Variants in GRK5 observed in about 807,000 individuals in gnomAD.
GRK5 encodes the protein g protein-coupled receptor kinase GRK5.
GRK5 carries 40 observed loss-of-function variants against 78.4 expected under a neutral mutation model. The observed-to-expected ratio is 0.51, with a 90% CI of 0.40 to 0.66. The LOEUF (loss-of-function observed/expected upper bound fraction) is 0.66, where lower values mean the gene tolerates loss of function less well. Among genes scored for constraint, GRK5 ranks in the 30% least tolerant of loss-of-function variants. GRK5 has a pLI of 0.00. For missense variants in GRK5, 598 were observed against 759.9 expected (o/e 0.79, Z 2.50); for synonymous variants, 289 against 296.8 (o/e 0.97, Z 0.27).
intron 2 of GRK5, among the ~76,000 whole-genome samples, chr10:119,359,751 G>A (rs1851327480): frequency 1.3e-5 from 2 of 152,204 alleles, no homozygotes; most frequent in Non-Finnish European, 2.9e-5. Context: ...GGTGTTCGGG[G>A]GAATGTGCAT....
rs958479939 is a variant in GRK5, at chr10:119,459,036, G to A, written c.*3969G>A. ...CTGAATACCTGTACTTCCAAGAGGT[G>A]GTCTCCTGTTTTCATAACCCAACAC... On this transcript the variant is annotated 3_prime_UTR_variant, in exon 16 of 16. Transcript: ENST00000392870. The A allele has an allele frequency of 6.6e-6, 1 of 152,194 alleles. No individual in the cohort carries two copies. The highest frequency in any genetic ancestry group is 2.4e-5 in the African/African-American group (1 of 41,426). 9.4% of individuals were successfully genotyped at this position (152,194 alleles called of 1,614,324 possible).
At chr10:119,318,908 G>A (rs1335861754) in intron 1 of GRK5, among the ~76,000 whole-genome samples, 1 of 152,038 alleles carries the variant, frequency 6.6e-6, no homozygotes, top group Non-Finnish European at 1.5e-5. Flanking sequence ...AGTTTTTTGG[G>A]TGGAATGATA....
At chr10:119,236,558 T>C (rs1010340924) in intron 1 of GRK5, among the ~76,000 whole-genome samples, 2 of 152,238 alleles carry the variant, frequency 1.3e-5, no homozygotes, top group African/African-American at 4.8e-5. Flanking sequence ...GTAACCTTTC[T>C]GATTTAAGAC....
intron 1 of GRK5, among the ~76,000 whole-genome samples, chr10:119,296,383 CT>C (rs1346749857): frequency 2.6e-5 from 4 of 152,246 alleles, no homozygotes; most frequent in Non-Finnish European, 5.9e-5. Flanking sequence ...GAATATTTGG[CT>C]TTTTCTGACT....
chr10:119,423,640 C>T (rs1388617920), intron 5 of GRK5, among the ~76,000 whole-genome samples: 1 of 152,216 alleles, frequency 6.6e-6, no homozygotes, highest in African/African-American at 2.4e-5. Flanking sequence ...AACCCCATCA[C>T]CTTGTCTGCA....
intron 2 of GRK5, among the ~76,000 whole-genome samples, chr10:119,348,520 T>C (rs1400172246): frequency 6.6e-6 from 1 of 152,228 alleles, no homozygotes; most frequent in Non-Finnish European, 1.5e-5. Flanking sequence ...ACCTGCCCTG[T>C]AGACCTTGAG....
In GRK5 at chr10:119,445,285, A is replaced by C. The variant is rs1367474786; in HGVS notation, c.1266+1533A>C. Reference sequence around the variant, plus strand: ...GCGACAAAACGAGACAAGGGAAAGAAGAAGGGGTCAGACAGCCGTGGGCAG... The same window carrying C: ...GCGACAAAACGAGACAAGGGAAAGACGAAGGGGTCAGACAGCCGTGGGCAG... On this transcript the variant is annotated intron_variant, in intron 12 of 15. Coordinates refer to ENST00000392870, the MANE Select transcript of GRK5 (RefSeq NM_005308.3). The surrounding 1 kb of genome is among the most constrained non-coding windows in gnomAD (Gnocchi z 4.1). 2.0e-5 allele frequency among the ~76,000 whole-genome samples: 3 copies of C among 152,188 alleles called. No homozygotes were observed. The highest frequency in any genetic ancestry group is 4.4e-5 in the Non-Finnish European group (3 of 68,026).
At position 119,430,556 on chromosome 10, in the gene GRK5, A is replaced by C; in HGVS notation, c.597+118A>C. ...GTCCCCCGGGGGCACCAGTGGCTCA[A>C]TGTGGGCCCCGGGGGCAGTGAGGGT... On this transcript the variant is annotated intron_variant, in intron 7 of 15. Coordinates refer to ENST00000392870, the MANE Select transcript of GRK5 (RefSeq NM_005308.3). This position sits in a 1 kb window ranked among gnomAD's most constrained non-coding sequence, Gnocchi z 4.5. 1.1e-5 allele frequency: 9 copies of C among 802,750 alleles called. No homozygotes were observed. Among genetic ancestry groups the C allele is most frequent in the East Asian group, 2.6e-5 (1 of 38,012 alleles). The allele number at this position is 802,750 out of a possible 1,614,324, so 49.7% of individuals were successfully genotyped here.
intron 12 of GRK5, among the ~76,000 whole-genome samples, chr10:119,447,682 C>G (rs1021344897): frequency 5.3e-5 from 8 of 152,208 alleles, no homozygotes. Flanking sequence ...CTGAGCACTC[C>G]TAGAGGCCAA....
chr10:119,285,646 G>A lies in GRK5; in HGVS notation c.53-40870G>A, dbSNP rs762778618. 1.3e-3 allele frequency among the ~76,000 whole-genome samples: 194 copies of A among 152,318 alleles called. 4 individuals carry two copies. The highest frequency in any genetic ancestry group is 1.1e-3 in the Non-Finnish European group (74 of 68,032). Reference sequence around the variant, plus strand: ...TACTCTGCTTGTGGGGACCATGGGCGCAGTTCTTAAAAGCCCGCACTGGGT... The same window carrying A: ...TACTCTGCTTGTGGGGACCATGGGCACAGTTCTTAAAAGCCCGCACTGGGT... On this transcript the variant is annotated intron_variant, in intron 1 of 15. Coordinates refer to ENST00000392870, the MANE Select transcript of GRK5 (RefSeq NM_005308.3).
chr10:119,309,930 C>A (rs1173311921), intron 1 of GRK5, among the ~76,000 whole-genome samples: 2 of 152,176 alleles, frequency 1.3e-5, no homozygotes, highest in African/African-American at 4.8e-5. Context: ...CTTGTTTCCT[C>A]CTCTGCAAAA....
chr10:119,361,613 C>T (rs1256922425), intron 2 of GRK5, among the ~76,000 whole-genome samples: 3 of 152,124 alleles, frequency 2.0e-5, no homozygotes, highest in Admixed American at 6.5e-5. Context: ...TGAGAGGAAT[C>T]CTGGCTAGGG....
intron 6 of GRK5, among the ~76,000 whole-genome samples, chr10:119,425,977 C>T (rs1003952342): frequency 3.9e-5 from 6 of 152,236 alleles, no homozygotes; most frequent in Non-Finnish European, 7.3e-5. Flanking sequence ...ATTTGCAGAG[C>T]GGGGCGATGC....
intron 1 of GRK5, among the ~76,000 whole-genome samples, chr10:119,309,541 A>G (rs981161911): frequency 4.7e-4 from 71 of 152,230 alleles, no homozygotes; most frequent in African/African-American, 1.6e-3. Flanking sequence ...GACAGCTCAC[A>G]TTTACTGAGT....
rs1366166449 is a variant in GRK5, at chr10:119,264,392, TTC to T, written c.52+56427_52+56428del. Reference sequence around the variant, plus strand: ...AAGTCCTACCATCTGGTGTTTGTCCTTCTCTGTTTCCTGCCTCCTGCTTCCTA... The same window carrying T: ...AAGTCCTACCATCTGGTGTTTGTCCTTCTGTTTCCTGCCTCCTGCTTCCTA... On this transcript the variant is annotated intron_variant, in intron 1 of 15. Coordinates refer to ENST00000392870, the MANE Select transcript of GRK5 (RefSeq NM_005308.3). This position sits in a 1 kb window ranked among gnomAD's most constrained non-coding sequence, Gnocchi z 4.1. 1.3e-5 allele frequency among the ~76,000 whole-genome samples: 2 copies of T among 152,204 alleles called. No individual in the cohort carries two copies. The highest frequency in any genetic ancestry group is 2.9e-5 in the Non-Finnish European group (2 of 68,030).
intron 1 of GRK5, among the ~76,000 whole-genome samples, chr10:119,234,927 G>A (rs1848898008): frequency 1.3e-5 from 2 of 151,914 alleles, no homozygotes; most frequent in South Asian, 4.2e-4. Flanking sequence ...AGCCTGCCTC[G>A]GCCTCCCAAA....
At chr10:119,426,423 C>A (rs1852677836) in intron 6 of GRK5, among the ~76,000 whole-genome samples, 1 of 152,312 alleles carries the variant, frequency 6.6e-6, no homozygotes, top group South Asian at 2.1e-4. Flanking sequence ...GGCACCAGAG[C>A]CCCCAGCCTG....
chr10:119,407,974 A>C (rs912262728), intron 4 of GRK5, among the ~76,000 whole-genome samples: 10 of 151,798 alleles, frequency 6.6e-5, no homozygotes, highest in South Asian at 2.1e-4. Flanking sequence ...GACCAGCCTG[A>C]CCAACATGGA....
At chr10:119,325,522 A>G (rs1255748185) in intron 1 of GRK5, among the ~76,000 whole-genome samples, 6 of 152,276 alleles carry the variant, frequency 3.9e-5, no homozygotes, top group Non-Finnish European at 7.4e-5. Context: ...CTGATAACCA[A>G]GGGGCACAAA....
Sources: allele counts gnomAD v4.1 joint callset (sites outside exome capture counted in the v4.1 genomes callset), GRCh38; gene constraint gnomAD v4.1.1; non-coding constraint Gnocchi (gnomAD v3.1); transcripts MANE v1.5; gene names NCBI Gene and HGNC (gene_info 2026-07-23, HGNC 2026-07-21).